Variants in TMEFF2 observed in about 807,000 individuals in gnomAD.
TMEFF2 encodes the protein tomoregulin-2.
A neutral mutation model predicts 53.8 loss-of-function variants in TMEFF2; 28 were observed. The ratio of observed to expected loss-of-function variants is 0.52; its 90% CI spans 0.39 to 0.71. The LOEUF is 0.71. TMEFF2 is among the 30% of genes least tolerant of loss of function. The pLI is 0.00. For synonymous variants in TMEFF2, 162 were observed against 166.3 expected, an observed-to-expected ratio of 0.97 and a Z score of 0.20; for missense variants, 353 against 455.2, an observed-to-expected ratio of 0.78 and a Z score of 2.04.
chr2:192,106,259 A>G (rs1004397512), intron 4 of TMEFF2, among the ~76,000 whole-genome samples: 31 of 151,768 alleles, frequency 2.0e-4, no homozygotes, highest in Non-Finnish European at 3.5e-4. Context: ...ACACAAAAAT[A>G]TATGTACAAA....
At chr2:192,183,584 G>T (rs1691240482) in intron 3 of TMEFF2, among the ~76,000 whole-genome samples, 1 of 151,972 alleles carries the variant, frequency 6.6e-6, no homozygotes, top group Non-Finnish European at 1.5e-5. Context: ...AACTATTATG[G>T]CACCTTACAG....
At chr2:192,106,594 TA>T (rs1689155180) in intron 4 of TMEFF2, among the ~76,000 whole-genome samples, 1 of 151,806 alleles carries the variant, frequency 6.6e-6, no homozygotes, top group African/African-American at 2.4e-5. Flanking sequence ...TTACTCTTCT[TA>T]AAAATAACAT....
chr2:192,032,866 T>C (rs1283589679), intron 5 of TMEFF2, among the ~76,000 whole-genome samples: 1 of 152,246 alleles, frequency 6.6e-6, no homozygotes, highest in Admixed American at 6.5e-5. Context: ...GAACAATTGC[T>C]GTTAATTTTA....
At position 192,184,382 on chromosome 2, in the gene TMEFF2, A is replaced by T. The variant is rs150834025; in HGVS notation, c.384T>A (p.Leu128=). The part of the protein sequence containing the change: ...QAACKQQSEI[L]VVSEGSCATD... Reference sequence around the variant, plus strand: ...TGGCACATGATCCTTCTGACACCACAAGTATCTCACTCTGCTGTTTGCATG... The same window carrying T: ...TGGCACATGATCCTTCTGACACCACTAGTATCTCACTCTGCTGTTTGCATG... The change falls in exon 3 of 10, where the codon CTT becomes CTA. Residue 128 remains leucine (L), a synonymous_variant. Coordinates refer to ENST00000272771, the MANE Select transcript of TMEFF2 (RefSeq NM_016192.4). 2 of 1,613,258 alleles carry T rather than the reference A, an allele frequency of 1.2e-6. No individual in the cohort carries two copies. Among genetic ancestry groups the T allele is most frequent in the African/African-American group, 2.7e-5 (2 of 74,866 alleles).
intron 4 of TMEFF2, among the ~76,000 whole-genome samples, chr2:192,164,344 T>C (rs1433229768): frequency 6.6e-6 from 1 of 152,176 alleles, no homozygotes; most frequent in Non-Finnish European, 1.5e-5. Flanking sequence ...TTTGTGTACC[T>C]TGTTCTTTCT....
At chr2:192,037,319 A>AAGAAAGAG (rs1687335316) in intron 5 of TMEFF2, among the ~76,000 whole-genome samples, 1 of 148,214 alleles carries the variant, frequency 6.7e-6, no homozygotes, top group South Asian at 2.1e-4. Context: ...GAAAGAAAGA[A>AAGAAAGAG]AGAAAGAAAG....
At chr2:192,026,700 A>G (rs1488433846) in intron 5 of TMEFF2, among the ~76,000 whole-genome samples, 1 of 152,212 alleles carries the variant, frequency 6.6e-6, no homozygotes, top group Non-Finnish European at 1.5e-5. Context: ...GTATTCTGCT[A>G]CTTGGAAACA....
chr2:192,047,667 G>A (rs868092600), intron 5 of TMEFF2, among the ~76,000 whole-genome samples: 26 of 152,204 alleles, frequency 1.7e-4, no homozygotes, highest in South Asian at 8.3e-4. Flanking sequence ...TCAGATATTC[G>A]TTTTCATTAT....
At chr2:192,002,135 T>C (rs1324437149) in intron 5 of TMEFF2, among the ~76,000 whole-genome samples, 1 of 152,166 alleles carries the variant, frequency 6.6e-6, no homozygotes, top group Admixed American at 6.5e-5. Flanking sequence ...CAAGGCCTCC[T>C]TTTAAGATTT....
At position 192,114,779 on chromosome 2, in the gene TMEFF2, G is replaced by C. The variant is rs1689362052; in HGVS notation, c.440-57004C>G. Among the ~76,000 whole-genome samples the C allele has an allele frequency of 2.6e-5, 4 of 151,808 alleles. No homozygotes were observed. The South Asian group carries it at 8.3e-4, about 31-fold the overall frequency. On this transcript the variant is annotated intron_variant, in intron 4 of 9. Transcript: ENST00000272771. ...TAAAACATGGATAAAAGAAATTATA[G>C]AAGACACAAATAAGTGAAATAATAA...
At chr2:191,980,270 T>C (rs940327619) in intron 7 of TMEFF2, among the ~76,000 whole-genome samples, 7 of 152,082 alleles carry the variant, frequency 4.6e-5, no homozygotes, top group African/African-American at 1.2e-4. Flanking sequence ...TGGAGTGACA[T>C]GGACAGGAAA....
intron 4 of TMEFF2, among the ~76,000 whole-genome samples, chr2:192,148,517 T>G (rs1690307225): frequency 6.6e-6 from 1 of 151,982 alleles, no homozygotes; most frequent in African/African-American, 2.4e-5. Context: ...ACTTATTACT[T>G]TGCTTGTGAA....
chr2:192,044,569 G>A (rs538835277), intron 5 of TMEFF2: 1 of 152,410 alleles, frequency 6.6e-6, no homozygotes, highest in African/African-American at 2.4e-5. Context: ...CCCAGAACAA[G>A]AAGAGACTCT....
intron 5 of TMEFF2, among the ~76,000 whole-genome samples, chr2:192,001,558 C>T (rs1225623685): frequency 6.6e-6 from 1 of 152,042 alleles, no homozygotes; most frequent in Non-Finnish European, 1.5e-5. Context: ...GTCTGTGTCC[C>T]CACCTAAATT....
At position 191,949,868 on chromosome 2, in the gene TMEFF2, GGAATCATTCA is replaced by G; in HGVS notation, c.*433_*442del. 1 of 983,114 alleles carries G rather than the reference GGAATCATTCA, an allele frequency of 1.0e-6. No individual in the cohort carries two copies. The highest frequency in any genetic ancestry group is 1.2e-6 in the Non-Finnish European group (1 of 830,306). 60.9% of individuals were successfully genotyped at this position (983,114 alleles called of 1,614,324 possible). A position where few individuals can be genotyped will look rare whatever the true frequency, so the allele number is the denominator to read the frequency against. On this transcript the variant is annotated 3_prime_UTR_variant, in exon 10 of 10. Coordinates refer to ENST00000272771, the MANE Select transcript of TMEFF2 (RefSeq NM_016192.4). ...AATAACCATCATTTCCCTTGATCTT[GGAATCATTCA>G]AAACCTAGCCACTGAGTCCTGTACG...
chr2:192,127,717 T>C (rs999347270), intron 4 of TMEFF2, among the ~76,000 whole-genome samples: 5 of 152,202 alleles, frequency 3.3e-5, no homozygotes, highest in Non-Finnish European at 4.4e-5. Flanking sequence ...GCCCAATCTT[T>C]GTAGCTTAAA....
intron 4 of TMEFF2, among the ~76,000 whole-genome samples, chr2:192,137,051 C>T (rs79296668): frequency 0.026 from 3,979 of 152,252 alleles, 71 homozygotes; most frequent in Non-Finnish European, 0.04. Context: ...CAACAGATAC[C>T]GTTAAGGATA....
chr2:192,185,838 A>T (rs1691298492), intron 2 of TMEFF2, among the ~76,000 whole-genome samples: 1 of 152,068 alleles, frequency 6.6e-6, no homozygotes, highest in Non-Finnish European at 1.5e-5. Context: ...TGTTCTTTGA[A>T]ATGAAAGCCT....
intron 5 of TMEFF2, among the ~76,000 whole-genome samples, chr2:192,020,407 T>G (rs1574296237): frequency 6.6e-6 from 1 of 152,230 alleles, no homozygotes; most frequent in South Asian, 2.1e-4. Context: ...ATCAAGATTT[T>G]CAGGTGCTCA....
Sources: allele counts gnomAD v4.1 joint callset (sites outside exome capture counted in the v4.1 genomes callset), GRCh38; gene constraint gnomAD v4.1.1; transcripts MANE v1.5; gene names NCBI Gene and HGNC (gene_info 2026-07-23, HGNC 2026-07-21).